The following MAP2 variants were observed in gnomAD, a reference collection of about 807,000 sequenced individuals.
The protein encoded by MAP2 is microtubule associated protein 2, also known as microtubule-associated protein 2.
MAP2 carries 14 observed loss-of-function variants against 137.6 expected under a neutral mutation model. That is an observed-to-expected ratio of 0.10 (90% confidence interval 0.07 to 0.16). The LOEUF (loss-of-function observed/expected upper bound fraction) is 0.16. Among genes scored for constraint, MAP2 ranks in the 10% least tolerant of loss-of-function variants. The pLI, the probability that MAP2 is intolerant of heterozygous loss-of-function variation, is 1.00. For synonymous variants in MAP2, 786 were observed against 782.3 expected, an observed-to-expected ratio of 1.00 and a Z score of -0.08; for missense variants, 2,088 against 2,191.5, an observed-to-expected ratio of 0.95 and a Z score of 0.94.
At chr2:209,490,689 C>A (rs1235017135) in intron 1 of MAP2, among the ~76,000 whole-genome samples, 1 of 129,384 alleles carries the variant, frequency 7.7e-6, no homozygotes. Context: ...CAACAAAGAT[C>A]AAAAAAGACA....
At position 209,696,095 on chromosome 2, in the gene MAP2, G is replaced by C; in HGVS notation, c.3925G>C (p.Val1309Leu). ...TDEGESGSHS[V>L]RFAALEQPEV... ...TGAAGGGGAGTCAGGGTCCCACAGC[G>C]TGCGTTTTGCAGCCCTAGAGCAGCC... Residue 1309 changes from valine to leucine, a missense_variant, in exon 8 of 16, where the codon GTG (valine) becomes CTG (leucine). Around this residue, in one of 6 missense-constraint regions of MAP2, gnomAD observed 591 missense variants for 642.6 expected, o/e 0.92. Coordinates refer to ENST00000682079, the MANE Select transcript of MAP2 (RefSeq NM_001375505.1). The C allele has an allele frequency of 6.2e-7, 1 of 1,613,918 alleles. No individual in the cohort carries two copies. The highest frequency in any genetic ancestry group is 8.5e-7 in the Non-Finnish European group (1 of 1,179,950).
chr2:209,581,955 G>A (rs571530968), intron 3 of MAP2, among the ~76,000 whole-genome samples: 41 of 152,130 alleles, frequency 2.7e-4, no homozygotes, highest in African/African-American at 9.2e-4. Flanking sequence ...AGTAGGTTGG[G>A]TGATTAAAGC....
intron 1 of MAP2, among the ~76,000 whole-genome samples, chr2:209,497,579 C>G (rs1040774072): frequency 6.6e-6 from 1 of 152,172 alleles, no homozygotes; most frequent in African/African-American, 2.4e-5. Flanking sequence ...GCTCACAGTT[C>G]TGCGGGCTAT....
chr2:209,695,252 G>A lies in MAP2; in HGVS notation c.3082G>A (p.Val1028Ile), dbSNP rs2059901184. ...TAGTTCAGTGCCAGAGATAGCTGAG[G>A]TAGAACCATCCAAAAAGGTGGAACA... Reference protein sequence around the residue: ...GLSSVPEIAEVEPSKKVEQGL... With the variant: ...GLSSVPEIAEIEPSKKVEQGL... The change falls in exon 8 of 16, where the codon GTA becomes ATA. Residue 1028 changes from valine to isoleucine, a missense_variant. Val to Ile is a conservative substitution (Grantham distance 29). Transcript: ENST00000682079. The A allele has an allele frequency of 7.4e-6, 12 of 1,613,822 alleles. No homozygotes were observed. The highest frequency in any genetic ancestry group is 2.7e-5 in the African/African-American group (2 of 74,902).
intron 3 of MAP2, among the ~76,000 whole-genome samples, chr2:209,602,907 T>C (rs2083415278): frequency 1.3e-5 from 2 of 152,170 alleles, no homozygotes; most frequent in Non-Finnish European, 2.9e-5. Flanking sequence ...TTCAAAGAGA[T>C]ACTTTGGTGA....
intron 7 of MAP2, among the ~76,000 whole-genome samples, chr2:209,682,015 G>T (rs994944729): frequency 3.3e-5 from 5 of 151,826 alleles, no homozygotes. Flanking sequence ...GAAACTTTGG[G>T]GATAATAATC....
chr2:209,580,721 G>A (rs1299317453), intron 3 of MAP2, among the ~76,000 whole-genome samples: 2 of 152,150 alleles, frequency 1.3e-5, no homozygotes, highest in East Asian at 1.9e-4. Context: ...CCTTCATCTT[G>A]CCATGAATGC....
At chr2:209,575,347 C>T (rs867453117) in intron 2 of MAP2, among the ~76,000 whole-genome samples, 2 of 151,754 alleles carry the variant, frequency 1.3e-5, no homozygotes, top group Admixed American at 6.6e-5. Context: ...CAGTGAAACC[C>T]CGTCTCTACT....
Position 209,692,907 on chromosome 2 carries a change from T to C in MAP2, c.737T>C (p.Val246Ala), listed in dbSNP as rs373380585. ...DMKQKTEPSL[V>A]VPGIDLPKEP... The stretch of plus-strand genomic sequence containing the variant: ...AAACAGAAGACAGAACCAAGCCTTG[T>C]AGTACCTGGCATTGACCTCCCTAAA... Residue 246 changes from valine to alanine, a missense_variant, in exon 8 of 16, where the codon GTA becomes GCA. Around this residue, in one of 6 missense-constraint regions of MAP2, gnomAD observed 859 missense variants for 794.5 expected, o/e 1.08. Transcript: ENST00000682079. The C allele has an allele frequency of 1.2e-6, 2 of 1,614,100 alleles. No individual in the cohort carries two copies. The highest frequency in any genetic ancestry group is 1.7e-6 in the Non-Finnish European group (2 of 1,179,970).
chr2:209,506,404 G>T lies in MAP2; in HGVS notation c.-221-1188G>T, dbSNP rs976054574. ...TTTAGTTTTTGGGCTTAGCATAGGA[G>T]TCTAATAATGAAACATTTCTAACAT... On this transcript the variant is annotated intron_variant, in intron 1 of 15. Transcript: ENST00000682079. Among the ~76,000 whole-genome samples the T allele has an allele frequency of 2.6e-5, 4 of 152,120 alleles. No individual in the cohort carries two copies. The East Asian group carries it at 7.7e-4, about 29-fold the overall frequency.
At chr2:209,585,048 G>C (rs145482184) in intron 3 of MAP2, among the ~76,000 whole-genome samples, 22 of 152,200 alleles carry the variant, frequency 1.4e-4, no homozygotes, top group African/African-American at 5.3e-4. Context: ...GAAGAGGTAT[G>C]TTTAGGACAT....
rs1559687831 is a variant in MAP2, at chr2:209,730,351, C to G, written c.5438C>G (p.Thr1813Ser). 6.2e-7 allele frequency: 1 copy of G among 1,614,092 alleles called. No homozygotes were observed. The highest frequency in any genetic ancestry group is 1.7e-4 in the Middle Eastern group (1 of 6,060). ...CTGCTCGAATCTCCTCAGCTTGCCA[C>G]TTTGGCTGAGGATGTCACTGCTGCA... ...INLLESPQLA[T>S]LAEDVTAALA... The change falls in exon 16 of 16, where the codon ACT (threonine) becomes AGT (serine). Residue 1813 changes from threonine (T) to serine (S), a missense_variant. Physicochemically the swap from Thr to Ser is moderately conservative, Grantham distance 58. This residue lies in a region of MAP2 where 112 missense variants were observed against 201.0 expected (regional missense o/e 0.56). Coordinates refer to ENST00000682079, the MANE Select transcript of MAP2 (RefSeq NM_001375505.1).
At chr2:209,554,997 G>A (rs2070213219) in intron 2 of MAP2, among the ~76,000 whole-genome samples, 1 of 149,386 alleles carries the variant, frequency 6.7e-6, no homozygotes, top group South Asian at 2.1e-4. Context: ...TGTTTCAGAA[G>A]GGATTTAAAG....
intron 2 of MAP2, among the ~76,000 whole-genome samples, chr2:209,535,531 G>C (rs1055369915): frequency 6.7e-6 from 1 of 149,930 alleles, no homozygotes; most frequent in Non-Finnish European, 1.5e-5. Flanking sequence ...GTTCAGTGAA[G>C]CCTTCCCTTG....
intron 1 of MAP2, among the ~76,000 whole-genome samples, chr2:209,465,623 A>G (rs1344916389): frequency 6.6e-6 from 1 of 152,158 alleles, no homozygotes; most frequent in Non-Finnish European, 1.5e-5. Context: ...TACAAAGACA[A>G]TAATACTTTC....
chr2:209,530,827 T>G (rs775538730), intron 2 of MAP2, among the ~76,000 whole-genome samples: 3 of 152,140 alleles, frequency 2.0e-5, no homozygotes, highest in Non-Finnish European at 2.9e-5. Flanking sequence ...TAATAACAAA[T>G]AGGGTTGAAT....
intron 3 of MAP2, among the ~76,000 whole-genome samples, chr2:209,595,821 T>G (rs375015840): frequency 6.6e-6 from 1 of 152,302 alleles, no homozygotes. Flanking sequence ...TGGATGCATC[T>G]GGAAACCATC....
In MAP2 at chr2:209,712,881, A is replaced by G. The variant is rs544347976; in HGVS notation, c.5073+2627A>G. On this transcript the variant is annotated intron_variant, in intron 13 of 15. Transcript: ENST00000682079. ...AGCATCTATACATGCATACCGTTGA[A>G]GAAATTGAAGCCACTAGCACATTGT... Among the ~76,000 whole-genome samples, 3 of 152,304 alleles carry G rather than the reference A, an allele frequency of 2.0e-5. No individual in the cohort carries two copies. In the East Asian group the frequency reaches 5.8e-4, roughly 29 times the overall value.
chr2:209,556,042 C>CT (rs766218011), intron 2 of MAP2, among the ~76,000 whole-genome samples: 7,360 of 108,410 alleles, frequency 0.068, 458 homozygotes, highest in South Asian at 0.24. Flanking sequence ...TTTTTCTTTT[C>CT]TTTTTTTTTT....
Sources: allele counts gnomAD v4.1 joint callset (sites outside exome capture counted in the v4.1 genomes callset), GRCh38; gene constraint gnomAD v4.1.1; regional missense constraint gnomAD v4.1.1; transcripts MANE v1.5; gene names NCBI Gene and HGNC (gene_info 2026-07-23, HGNC 2026-07-21).